ERCC6L2: variants seen among roughly 807,000 people sequenced by gnomAD.
The protein encoded by ERCC6L2 is DNA excision repair protein ERCC-6-like 2.
ERCC6L2 carries 77 observed loss-of-function variants against 132.0 expected under a neutral mutation model. The ratio of observed to expected loss-of-function variants is 0.58; its 90% confidence interval spans 0.49 to 0.71. The LOEUF (loss-of-function observed/expected upper bound fraction) is 0.71, where lower values mean the gene tolerates loss of function less well. Ranked by LOEUF, ERCC6L2 falls within the 30% of genes least tolerant of loss-of-function variation. The probability of loss-of-function intolerance (pLI) is 0.00; values close to 1 mark genes in which losing one functional copy is unlikely to be tolerated. For synonymous variants in ERCC6L2, 583 were observed against 632.4 expected (o/e 0.92, Z 1.17); for missense variants, 1,542 against 1,837.6 (o/e 0.84, Z 2.94).
chr9:96,027,174 ACACAC>A (rs968730085), intron 19 of ERCC6L2, among the ~76,000 whole-genome samples: 29 of 111,644 alleles, frequency 2.6e-4, no homozygotes, highest in East Asian at 5.7e-4. Flanking sequence ...CCACACACAC[ACACAC>A]CACACACCAC....
At chr9:96,021,662 G>C (rs1834292292), downstream of ERCC6L2, 1 of 154,638 alleles carries the variant, frequency 6.5e-6, no homozygotes, top group African/African-American at 2.4e-5. The surrounding 1 kb of genome is among the most constrained non-coding windows in gnomAD (Gnocchi z 4.7). Flanking sequence ...CAGGCACCTG[G>C]AGCCGGGAGG....
chr9:96,022,554 G>T (rs1437383509), downstream of ERCC6L2, among the ~76,000 whole-genome samples: 2 of 152,168 alleles, frequency 1.3e-5, no homozygotes. Flanking sequence ...CCCACGCCGA[G>T]TTTATTCACC....
chr9:95,984,412 A>C (rs967384374), intron 17 of ERCC6L2, among the ~76,000 whole-genome samples: 2 of 151,622 alleles, frequency 1.3e-5, no homozygotes, highest in African/African-American at 4.8e-5. Flanking sequence ...TCTACCTGGA[A>C]TAACCTTCAG....
chr9:95,918,317 C>A, intron 6 of ERCC6L2: 1 of 394,242 alleles, frequency 2.5e-6, no homozygotes, highest in Non-Finnish European at 5.0e-6. Context: ...CTTGAAGATG[C>A]AAAAAAGAGG....
At chr9:95,947,346 T>C (rs918580693) in intron 12 of ERCC6L2, among the ~76,000 whole-genome samples, 4 of 152,144 alleles carry the variant, frequency 2.6e-5, no homozygotes, top group African/African-American at 9.7e-5. Context: ...AGAGCAAGTC[T>C]CTAACACACT....
In ERCC6L2 at chr9:95,876,053, G is replaced by T. The variant is rs766330761; in HGVS notation, c.15G>T (p.Ala5=). Residue 5 remains alanine (A), a synonymous_variant, in exon 1 of 19, where the codon GCG becomes GCT. Coordinates refer to ENST00000653738, the MANE Select transcript of ERCC6L2 (RefSeq NM_020207.7). MDPS[A]PQPRAETSGK... ...CCCCTGGCCGGATGGATCCGTCGGC[G>T]CCACAGCCCCGCGCGGAAACCTCAG... The T allele has an allele frequency of 1.3e-6, 2 of 1,587,294 alleles. No homozygotes were observed. The highest frequency in any genetic ancestry group is 1.8e-5 in the Admixed American group (1 of 56,882).
At chr9:95,897,543 G>A (rs901174121) in intron 2 of ERCC6L2, among the ~76,000 whole-genome samples, 1 of 152,104 alleles carries the variant, frequency 6.6e-6, no homozygotes, top group African/African-American at 2.4e-5. Flanking sequence ...CGAAGAGATA[G>A]TTTCCATGGT....
chr9:95,899,754 C>T (rs1192082468), intron 3 of ERCC6L2, among the ~76,000 whole-genome samples: 2 of 151,526 alleles, frequency 1.3e-5, no homozygotes, highest in African/African-American at 4.9e-5. Context: ...TTCTCAAGTC[C>T]TTGATATAAA....
At chr9:95,897,607 T>C (rs1434319082) in intron 2 of ERCC6L2, among the ~76,000 whole-genome samples, 4 of 152,164 alleles carry the variant, frequency 2.6e-5, no homozygotes, top group African/African-American at 9.6e-5. Flanking sequence ...AAAGAATTCA[T>C]TGGGTAGGTA....
intron 11 of ERCC6L2, among the ~76,000 whole-genome samples, chr9:95,940,771 A>G (rs1830762166): frequency 1.3e-5 from 2 of 152,030 alleles, no homozygotes; most frequent in South Asian, 4.1e-4. Context: ...TGTGTATGTC[A>G]TTTAAATCCT....
intron 19 of ERCC6L2, among the ~76,000 whole-genome samples, chr9:96,032,882 T>C (rs17305917): frequency 0.086 from 13,097 of 152,182 alleles, 645 homozygotes; most frequent in Admixed American, 0.1. Context: ...GATGACTCTT[T>C]CTACTTATCA....
At position 95,921,308 on chromosome 9, in the gene ERCC6L2, G is replaced by A. The variant is rs772905545; in HGVS notation, c.1292G>A (p.Cys431Tyr). The A allele has an allele frequency of 6.2e-7, 1 of 1,610,444 alleles. No homozygotes were observed. The highest frequency in any genetic ancestry group is 2.2e-5 in the East Asian group (1 of 44,684). ...AGTGGCCAAAAAAGGAGAAATTGTTGTTATAAGGCAAGCATTTCAATATAT... is the reference window on the plus strand; with the variant it reads ...AGTGGCCAAAAAAGGAGAAATTGTTATTATAAGGCAAGCATTTCAATATAT... ...CRSGQKRRNC[C>Y]YKTNSHGETV... The change falls in exon 7 of 19, where the codon TGT (cysteine) becomes TAT (tyrosine). Residue 431 changes from cysteine (C) to tyrosine (Y), a missense_variant. Physicochemically the swap from Cys to Tyr is radical, Grantham distance 194. This residue lies in a region of ERCC6L2 where 945 missense variants were observed against 1,105.2 expected (regional missense o/e 0.86). Transcript: ENST00000653738.
chr9:95,896,347 T>C (rs1376766903), intron 2 of ERCC6L2, among the ~76,000 whole-genome samples: 2 of 152,128 alleles, frequency 1.3e-5, no homozygotes, highest in Admixed American at 6.5e-5. Flanking sequence ...TCCATTCTTT[T>C]TCCTGCAAGG....
intron 12 of ERCC6L2, among the ~76,000 whole-genome samples, chr9:95,942,666 A>AT (rs1830860374): frequency 6.6e-6 from 1 of 152,154 alleles, no homozygotes; most frequent in East Asian, 1.9e-4. Context: ...GTAAAGAGAA[A>AT]TTGAGGAAAA....
intron 13 of ERCC6L2, among the ~76,000 whole-genome samples, chr9:95,965,863 C>T (rs928397368): frequency 6.6e-6 from 1 of 152,146 alleles, no homozygotes; most frequent in Non-Finnish European, 1.5e-5. Flanking sequence ...AGTTATTTTC[C>T]ATTCTGTGCA....
intron 11 of ERCC6L2, among the ~76,000 whole-genome samples, chr9:95,931,513 T>G (rs1019484040): frequency 6.6e-6 from 1 of 152,218 alleles, no homozygotes; most frequent in African/African-American, 2.4e-5. Flanking sequence ...TAAGCCAGAA[T>G]ATATAGGAAG....
chr9:95,922,326 G>C lies in ERCC6L2; in HGVS notation c.1321G>C (p.Val441Leu). The change falls in exon 8 of 19, where the codon GTG becomes CTG. Residue 441 changes from valine (V) to leucine (L), a missense_variant. Physicochemically the swap from Val to Leu is conservative, Grantham distance 32 (BLOSUM62 1). Transcript: ENST00000653738. ...ACAGACCAATTCTCATGGTGAAACA[G>C]TGAAAACCTTGTATCTCAGTTACCT... ...CYKTNSHGET[V>L]KTLYLSYLTV... 1.9e-6 allele frequency: 3 copies of C among 1,611,436 alleles called. No homozygotes were observed. The highest frequency in any genetic ancestry group is 2.5e-6 in the Non-Finnish European group (3 of 1,177,994).
chr9:95,947,312 T>C (rs1831109877), intron 12 of ERCC6L2, among the ~76,000 whole-genome samples: 1 of 152,214 alleles, frequency 6.6e-6, no homozygotes, highest in African/African-American at 2.4e-5. Context: ...AGCCACAGCA[T>C]TCCATTAAAC....
intron 11 of ERCC6L2, among the ~76,000 whole-genome samples, chr9:95,933,845 CAAAAAA>C (rs10609411): frequency 8.4e-6 from 1 of 119,492 alleles, no homozygotes; most frequent in Admixed American, 8.4e-5. Flanking sequence ...GACTCTGTCT[CAAAAAA>C]AAAAAAAAAA....
Sources: gnomAD v4.1 joint callset for allele counts (sites outside exome capture counted in the v4.1 genomes callset) on GRCh38, gnomAD v4.1.1 for gene constraint, gnomAD v4.1.1 regional missense constraint, Gnocchi (gnomAD v3.1) non-coding constraint, MANE v1.5 for transcripts, NCBI Gene and HGNC (gene_info 2026-07-23, HGNC 2026-07-21) for gene names.